RASEF: variants seen among roughly 807,000 people sequenced by gnomAD.
RASEF encodes RAS and EF-hand domain containing, also known as ras and EF-hand domain-containing protein.
In RASEF, 68 loss-of-function variants were observed where a neutral mutation model predicts 90.1. That is an observed-to-expected ratio of 0.75 (90% CI 0.62 to 0.92). RASEF has a LOEUF of 0.92. RASEF is among the 40% of genes least tolerant of loss of function. The pLI is 0.00. For missense variants in RASEF, 949 were observed against 937.2 expected (o/e 1.01, Z -0.16); for synonymous variants, 331 against 345.2 (o/e 0.96, Z 0.46).
rs1164388706 is a variant in RASEF, at chr9:83,004,740, G to A, written c.1114-154C>T. On this transcript the variant is annotated intron_variant, in intron 8 of 16. Coordinates refer to ENST00000376447, the MANE Select transcript of RASEF (RefSeq NM_152573.4). ...AGTTTGTTACACTACCTGAGCAAAT[G>A]TGAGCAAAAAATCAAGGGAAACATT... is the stretch of plus-strand genomic sequence containing the variant. Among the ~76,000 whole-genome samples the A allele has an allele frequency of 3.9e-5, 6 of 152,158 alleles. No individual in the cohort carries two copies. In the South Asian group the frequency reaches 8.3e-4, roughly 21 times the overall value.
intron 2 of RASEF, among the ~76,000 whole-genome samples, chr9:83,024,197 G>A (rs995947611): frequency 1.3e-5 from 2 of 152,200 alleles, no homozygotes; most frequent in African/African-American, 4.8e-5. Flanking sequence ...CAGCATAGAG[G>A]CTGGCTCTGG....
the RASEF span, among the ~76,000 whole-genome samples, chr9:83,184,038 G>C: frequency 1.3e-5 from 2 of 152,106 alleles, no homozygotes; most frequent in Non-Finnish European, 2.9e-5. Context: ...GCTGGTCTAC[G>C]GACCACACTT....
chr9:83,201,886 G>C, the RASEF span: 1 of 152,326 alleles, frequency 6.6e-6, no homozygotes, highest in Non-Finnish European at 1.5e-5. Flanking sequence ...TCCTAAGTCT[G>C]ACTCCTTCAA....
chr9:83,184,007 G>A, the RASEF span, among the ~76,000 whole-genome samples: 2 of 152,288 alleles, frequency 1.3e-5, no homozygotes, highest in Admixed American at 1.3e-4. Context: ...ACTTCAACAA[G>A]TTCCCAGGAA....
intron 2 of RASEF, among the ~76,000 whole-genome samples, chr9:83,023,814 C>T (rs1175398002): frequency 6.6e-6 from 1 of 152,206 alleles, no homozygotes; most frequent in Non-Finnish European, 1.5e-5. Flanking sequence ...TTCCCACCTA[C>T]TTCTTCTAGC....
rs572173965 is a variant in RASEF at position 83,058,007 on chromosome 9, C to T, written c.431+4430G>A. Among the ~76,000 whole-genome samples, 62 of 150,810 alleles carry T rather than the reference C, an allele frequency of 4.1e-4. 1 individual carries two copies. The highest frequency in any genetic ancestry group is 1.5e-3 in the African/African-American group (62 of 41,280). Reference sequence around the variant, plus strand: ...AAGGTGACTCAGGGCCACCTTTCTACTAAGTGGAAAGAGGAGAAACTGAGG... The same window carrying T: ...AAGGTGACTCAGGGCCACCTTTCTATTAAGTGGAAAGAGGAGAAACTGAGG... On this transcript the variant is annotated intron_variant, in intron 1 of 16. Transcript: ENST00000376447.
At position 83,008,913 on chromosome 9, in the gene RASEF, T is replaced by TC. The variant is rs1564075664; in HGVS notation, c.959+727_959+728insG. Among the ~76,000 whole-genome samples, 8 of 125,298 alleles carry TC rather than the reference T, an allele frequency of 6.4e-5. 1 individual carries two copies. The highest frequency in any genetic ancestry group is 1.2e-4 in the Non-Finnish European group (7 of 57,906). The allele number at this position is 125,298 out of a possible 152,430, so 82.2% of individuals were successfully genotyped here. On this transcript the variant is annotated intron_variant, in intron 6 of 16. Coordinates refer to ENST00000376447, the MANE Select transcript of RASEF (RefSeq NM_152573.4). Reference sequence around the variant, plus strand: ...CATCATATATATATATATATATATATATATATATATATATATATATATGAC... The same window carrying TC: ...CATCATATATATATATATATATATATCATATATATATATATATATATATGAC...
the RASEF span, among the ~76,000 whole-genome samples, chr9:83,078,432 C>T: frequency 5.3e-5 from 8 of 152,154 alleles, no homozygotes; most frequent in East Asian, 7.7e-4. Context: ...TTTGGGAGGC[C>T]GAGGCGGGTG....
At chr9:83,022,853 T>C (rs533151408) in intron 2 of RASEF, among the ~76,000 whole-genome samples, 1 of 152,364 alleles carries the variant, frequency 6.6e-6, no homozygotes, top group African/African-American at 2.4e-5. Context: ...ATGGTATTTA[T>C]GTATCTAAAC....
chr9:83,188,771 A>C, the RASEF span, among the ~76,000 whole-genome samples: 9 of 152,158 alleles, frequency 5.9e-5, no homozygotes, highest in Non-Finnish European at 1.0e-4. Flanking sequence ...AAAATGAAAA[A>C]CATCAATAGA....
chr9:83,195,759 G>T, the RASEF span, among the ~76,000 whole-genome samples: 1 of 152,052 alleles, frequency 6.6e-6, no homozygotes, highest in Non-Finnish European at 1.5e-5. Flanking sequence ...GGTGGTAAGG[G>T]CTGAATTCTG....
chr9:83,130,318 A>G, the RASEF span, among the ~76,000 whole-genome samples: 2 of 152,204 alleles, frequency 1.3e-5, no homozygotes, highest in Non-Finnish European at 2.9e-5. Context: ...GAGACTTTAC[A>G]TAAACCTTTA....
the RASEF span, among the ~76,000 whole-genome samples, chr9:83,205,456 T>A: frequency 6.6e-6 from 1 of 152,212 alleles, no homozygotes; most frequent in Non-Finnish European, 1.5e-5. Flanking sequence ...ACAACCTTCC[T>A]CTGTGACTAT....
rs775138870 is a variant in RASEF, at chr9:83,004,544, T to G, written c.1156A>C (p.Ser386Arg). 3 of 1,602,468 alleles carry G rather than the reference T, an allele frequency of 1.9e-6. No homozygotes were observed. In the East Asian group the frequency reaches 6.7e-5, roughly 36 times the overall value. ...ISPGNTISRS[S>R]PKFIGHSPQP... ...GGGGAATGACCAATGAATTTGGGAC[T>G]GCTTCTAGAAATTGTATTCCCTGGT... Residue 386 changes from serine (S) to arginine (R), a missense_variant, in exon 9 of 17, where the codon AGT becomes CGT. Physicochemically the swap from Ser to Arg is moderately radical, Grantham distance 110. This residue lies in a region of RASEF where 656 missense variants were observed against 592.2 expected (regional missense o/e 1.11). Transcript: ENST00000376447.
the RASEF span, among the ~76,000 whole-genome samples, chr9:83,128,775 G>A: frequency 6.6e-6 from 1 of 152,156 alleles, no homozygotes; most frequent in Non-Finnish European, 1.5e-5. Context: ...GCCACCAGCT[G>A]AGCCAGTGCA....
intron 9 of RASEF, among the ~76,000 whole-genome samples, chr9:83,003,795 TAG>T (rs891118843): frequency 3.9e-4 from 59 of 152,148 alleles, no homozygotes; most frequent in African/African-American, 1.4e-3. Context: ...CACAAAGAAA[TAG>T]AGAGTCGGAA....
chr9:83,178,938 A>C, the RASEF span, among the ~76,000 whole-genome samples: 1 of 152,150 alleles, frequency 6.6e-6, no homozygotes. Flanking sequence ...GGGCAAACAA[A>C]GTGATCTTTC....
the RASEF span, among the ~76,000 whole-genome samples, chr9:83,116,192 A>G: frequency 6.6e-6 from 1 of 152,188 alleles, no homozygotes; most frequent in Non-Finnish European, 1.5e-5. Flanking sequence ...AGAAACCACA[A>G]CTTGGTTGCC....
chr9:83,183,214 T>G, the RASEF span, among the ~76,000 whole-genome samples: 4 of 149,130 alleles, frequency 2.7e-5, no homozygotes, highest in Admixed American at 2.0e-4. Context: ...GAAAAAAACA[T>G]AAAAGGAATA....
Sources: allele counts gnomAD v4.1 joint callset (sites outside exome capture counted in the v4.1 genomes callset), GRCh38; gene constraint gnomAD v4.1.1; regional missense constraint gnomAD v4.1.1; transcripts MANE v1.5; gene names NCBI Gene and HGNC (gene_info 2026-07-23, HGNC 2026-07-21).